CARD19: variants seen among roughly 807,000 people sequenced by gnomAD.
CARD19 encodes caspase recruitment domain-containing protein 19.
A neutral mutation model predicts 24.1 loss-of-function variants in CARD19; 25 were observed. The ratio of observed to expected loss-of-function variants is 1.04; its 90% CI spans 0.76 to 1.45. The LOEUF is 1.45. Among genes scored for constraint, CARD19 ranks in the 40% most tolerant of loss-of-function variants. The probability of loss-of-function intolerance (pLI) is 0.00; values close to 1 mark genes in which losing one functional copy is unlikely to be tolerated. For missense variants in CARD19, 241 were observed against 247.4 expected, an observed-to-expected ratio of 0.97 and a Z score of 0.17; for synonymous variants, 103 against 104.9, an observed-to-expected ratio of 0.98 and a Z score of 0.11.
chr9:93,097,142 G>T (rs1166371640), intron 1 of CARD19, among the ~76,000 whole-genome samples: 3 of 152,194 alleles, frequency 2.0e-5, no homozygotes, highest in African/African-American at 7.2e-5. Flanking sequence ...TGGCAGCCCG[G>T]CCAGGGAGTA....
chr9:93,112,200 A>G lies in CARD19; in HGVS notation c.365-18A>G. ...TCTGAGGCCCAGGGGAGCCCTGTTC[A>G]CGCTGGTTTCTCCCCAGGACCCATG... On this transcript the variant is annotated intron_variant, in intron 4 of 5. Coordinates refer to ENST00000375464, the MANE Select transcript of CARD19 (RefSeq NM_032310.5). The G allele has an allele frequency of 6.5e-7, 1 of 1,543,722 alleles. No homozygotes were observed. Among genetic ancestry groups the G allele is most frequent in the Non-Finnish European group, 8.7e-7 (1 of 1,146,708 alleles).
In CARD19 at chr9:93,113,064, G is replaced by A. The variant is rs150081862; in HGVS notation, c.509G>A (p.Arg170His). 1.1e-4 allele frequency: 169 copies of A among 1,600,274 alleles called. No homozygotes were observed. The highest frequency in any genetic ancestry group is 1.3e-4 in the Non-Finnish European group (155 of 1,172,718). The change falls in exon 6 of 6, where the codon CGC becomes CAC. Residue 170 changes from arginine (R) to histidine (H), a missense_variant. Coordinates refer to ENST00000375464, the MANE Select transcript of CARD19 (RefSeq NM_032310.5). ...SPVIIDRHVS[R>H]YLLAFLADDL... The stretch of plus-strand genomic sequence containing the variant: ...GTCATCATCGACAGACATGTCAGCC[G>A]CTACCTGCTGGCCTTCCTGGCAGAT...
chr9:93,098,687 C>T (rs1383339530), intron 1 of CARD19, among the ~76,000 whole-genome samples: 1 of 152,212 alleles, frequency 6.6e-6, no homozygotes, highest in East Asian at 1.9e-4. Context: ...CCACAGGAAG[C>T]ACAGGACCCC....
chr9:93,099,956 G>A (rs1827017754), intron 1 of CARD19, among the ~76,000 whole-genome samples: 1 of 152,234 alleles, frequency 6.6e-6, no homozygotes, highest in Non-Finnish European at 1.5e-5. Context: ...GGTATCTCTG[G>A]GGTTAAGGAT....
At chr9:93,103,573 T>TA (rs1482146233) in intron 1 of CARD19, among the ~76,000 whole-genome samples, 1 of 152,254 alleles carries the variant, frequency 6.6e-6, no homozygotes. Flanking sequence ...ACTGCAGAGA[T>TA]AGAGTGCCAA....
chr9:93,108,088 T>C (rs1827331320), intron 2 of CARD19, among the ~76,000 whole-genome samples: 2 of 151,972 alleles, frequency 1.3e-5, no homozygotes, highest in Admixed American at 1.3e-4. Flanking sequence ...CCTTCCCGAG[T>C]TGCTGGGAGG....
At chr9:93,097,185 C>T (rs1564204185) in intron 1 of CARD19, among the ~76,000 whole-genome samples, 1 of 152,088 alleles carries the variant, frequency 6.6e-6, no homozygotes, top group South Asian at 2.1e-4. Flanking sequence ...TTCATTCTTA[C>T]TGTTCTGTTT....
rs1276219085 is a variant in CARD19 at position 93,111,947 on chromosome 9, T to C, written c.364+9T>C. On this transcript the variant is annotated intron_variant, in intron 4 of 5. Coordinates refer to ENST00000375464, the MANE Select transcript of CARD19 (RefSeq NM_032310.5). The stretch of plus-strand genomic sequence containing the variant: ...CGAGCTGAGTAACAGGGGTAACACC[T>C]CCCTGCTGCCCCTCCCTCTCTCTCC... The C allele has an allele frequency of 6.2e-7, 1 of 1,609,246 alleles. No individual in the cohort carries two copies. The highest frequency in any genetic ancestry group is 8.5e-7 in the Non-Finnish European group (1 of 1,178,678).
chr9:93,112,840 T>C (rs1404336645), intron 5 of CARD19, 152 bp from the exon 6 acceptor site: 1 of 577,720 alleles, frequency 1.7e-6, no homozygotes, highest in African/African-American at 1.9e-5. Context: ...TCTGCCCTAA[T>C]TCTTGTCTTT....
At chr9:93,109,627 G>A (rs1827386731) in intron 2 of CARD19, among the ~76,000 whole-genome samples, 1 of 151,954 alleles carries the variant, frequency 6.6e-6, no homozygotes, top group African/African-American at 2.4e-5. Context: ...ATCATGCCCA[G>A]TCAATTTTTT....
At chr9:93,110,960 GTC>G (rs1237968561) in intron 3 of CARD19, 8 of 1,523,372 alleles carry the variant, frequency 5.3e-6, no homozygotes, top group Admixed American at 2.0e-5. Flanking sequence ...CCCTTCCTCC[GTC>G]TCTCTCTCAT....
At chr9:93,110,406 G>A in intron 2 of CARD19, 162 bp from the exon 3 acceptor site, 5 of 1,130,904 alleles carry the variant, frequency 4.4e-6, no homozygotes, top group Non-Finnish European at 6.1e-6. Context: ...CAGGCACTAT[G>A]TGGTGTGGGT....
At chr9:93,110,446 C>G in intron 2 of CARD19, 122 bp from the exon 3 acceptor site, 1 of 1,476,420 alleles carries the variant, frequency 6.8e-7, no homozygotes, top group Non-Finnish European at 9.0e-7. Context: ...GAGCTGCCAT[C>G]CAGCAGGTGT....
chr9:93,107,774 C>T lies in CARD19; in HGVS notation c.108C>T (p.Asn36=), dbSNP rs773886138. 5.0e-6 allele frequency: 8 copies of T among 1,614,222 alleles called. No homozygotes were observed. In the South Asian group the frequency reaches 7.7e-5, roughly 16 times the overall value. The change falls in exon 2 of 6, where the codon AAC becomes AAT. Residue 36 remains asparagine, a synonymous_variant. Transcript: ENST00000375464. ...TGGACAGGATCATCCTCCAGCTGAA[C>T]CGTTACTACCCACAGATCCTTACCA... ...QQVDRIILQL[N]RYYPQILTNK...
In CARD19 at chr9:93,096,271, C is replaced by T. The variant is rs552499149; in HGVS notation, c.-75C>T. The T allele has an allele frequency of 2.5e-4, 308 of 1,216,430 alleles. No homozygotes were observed. The highest frequency in any genetic ancestry group is 3.2e-4 in the Middle Eastern group (1 of 3,142). 75.4% of individuals were successfully genotyped at this position (1,216,430 alleles called of 1,614,324 possible). On this transcript the variant is annotated 5_prime_UTR_variant, in exon 1 of 6. Transcript: ENST00000375464. The surrounding 1 kb of genome is among the most constrained non-coding windows in gnomAD (Gnocchi z 5.4). ...GCGGCGTTCGCTGGAGCTGGTGGACCGGGCGGCTGACCGAGGGGCGGACGC... is the reference window on the plus strand; with the variant it reads ...GCGGCGTTCGCTGGAGCTGGTGGACTGGGCGGCTGACCGAGGGGCGGACGC...
chr9:93,100,454 C>T (rs1311015824), intron 1 of CARD19, among the ~76,000 whole-genome samples: 3 of 152,318 alleles, frequency 2.0e-5, no homozygotes, highest in Middle Eastern at 3.4e-3. Context: ...GGATGACAGG[C>T]GTGAGCCACC....
intron 1 of CARD19, among the ~76,000 whole-genome samples, chr9:93,104,359 G>A (rs922266452): frequency 3.9e-5 from 6 of 152,134 alleles, no homozygotes; most frequent in African/African-American, 1.4e-4. Flanking sequence ...TTCTGCCTCT[G>A]TCTCCCAAAG....
intron 1 of CARD19, 78 bp from the exon 2 acceptor site, chr9:93,107,593 TGTG>T: frequency 6.5e-7 from 1 of 1,533,214 alleles, no homozygotes; most frequent in Non-Finnish European, 8.9e-7. Flanking sequence ...GATGCCTTCC[TGTG>T]GTCAGTGTCA....
chr9:93,103,055 T>C (rs1827140098), intron 1 of CARD19, among the ~76,000 whole-genome samples: 1 of 152,224 alleles, frequency 6.6e-6, no homozygotes, highest in African/African-American at 2.4e-5. Context: ...TATAAAATCA[T>C]GTCATCTGTG....
Sources: gnomAD v4.1 joint callset for allele counts (sites outside exome capture counted in the v4.1 genomes callset) on GRCh38, gnomAD v4.1.1 for gene constraint, Gnocchi (gnomAD v3.1) non-coding constraint, MANE v1.5 for transcripts, NCBI Gene and HGNC (gene_info 2026-07-23, HGNC 2026-07-21) for gene names.